Variants in PTPN2 observed in about 807,000 individuals in gnomAD.
PTPN2 encodes tyrosine-protein phosphatase non-receptor type 2.
Under a neutral mutation model 57.3 loss-of-function variants are expected in PTPN2, and 19 were observed. The observed-to-expected ratio is 0.33, with a 90% CI of 0.23 to 0.49. The LOEUF is 0.49. Among genes scored for constraint, PTPN2 ranks in the 20% least tolerant of loss-of-function variants. PTPN2 has a pLI of 0.99. For synonymous variants in PTPN2, 153 were observed against 164.9 expected (o/e 0.93, Z 0.55); for missense variants, 358 against 501.1 (o/e 0.71, Z 2.73).
At chr18:12,811,947 G>A (rs940723960) in intron 7 of PTPN2, among the ~76,000 whole-genome samples, 12 of 152,140 alleles carry the variant, frequency 7.9e-5, no homozygotes, top group African/African-American at 2.9e-4. Context: ...TCTCACTGAA[G>A]AAAGCTTTAA....
Position 12,884,145 on chromosome 18 carries a change from T to C in PTPN2, c.-4A>G. On this transcript the variant is annotated 5_prime_UTR_variant, in exon 1 of 9. Coordinates refer to ENST00000309660, the MANE Select transcript of PTPN2 (RefSeq NM_002828.4). ...CCCGCTCGATGGTGGTGGGCATGGCTGCGGGAGCGAGCTGGCGCGAGCAGA... is the reference window on the plus strand; with the variant it reads ...CCCGCTCGATGGTGGTGGGCATGGCCGCGGGAGCGAGCTGGCGCGAGCAGA... The C allele has an allele frequency of 6.3e-7, 1 of 1,580,320 alleles. No homozygotes were observed. The highest frequency in any genetic ancestry group is 8.6e-7 in the Non-Finnish European group (1 of 1,165,012).
intron 1 of PTPN2, among the ~76,000 whole-genome samples, chr18:12,864,402 C>CTT (rs1248951965): frequency 6.9e-6 from 1 of 144,232 alleles, no homozygotes; most frequent in Non-Finnish European, 1.5e-5. Context: ...ACCTACTTTC[C>CTT]TTTTTTTTTT....
intron 2 of PTPN2, among the ~76,000 whole-genome samples, chr18:12,844,594 T>C (rs1301862560): frequency 1.3e-5 from 2 of 152,190 alleles, no homozygotes; most frequent in African/African-American, 4.8e-5. Flanking sequence ...ATTTCCTAAC[T>C]GGGGTTTTTG....
At chr18:12,824,681 AGG>A (rs1356582844) in intron 5 of PTPN2, among the ~76,000 whole-genome samples, 1 of 152,202 alleles carries the variant, frequency 6.6e-6, no homozygotes, top group Non-Finnish European at 1.5e-5. Context: ...AAATGGCGAA[AGG>A]GGGAGAAATG....
At chr18:12,868,872 G>C (rs2044087955) in intron 1 of PTPN2, among the ~76,000 whole-genome samples, 1 of 151,994 alleles carries the variant, frequency 6.6e-6, no homozygotes, top group African/African-American at 2.4e-5. Flanking sequence ...TTTTAAGGCT[G>C]GGTGCGGTGG....
At chr18:12,883,875 T>C in intron 1 of PTPN2, 198 bp downstream of exon 1, 1 of 478,616 alleles carries the variant, frequency 2.1e-6, no homozygotes, top group Non-Finnish European at 3.7e-6. Flanking sequence ...GTATGCTTTT[T>C]TTTTTTTTTT....
At chr18:12,812,217 T>A (rs1251058264) in intron 7 of PTPN2, among the ~76,000 whole-genome samples, 1 of 152,232 alleles carries the variant, frequency 6.6e-6, no homozygotes, top group African/African-American at 2.4e-5. Context: ...ATAGCCTATA[T>A]GTCTATAGGA....
intron 7 of PTPN2, among the ~76,000 whole-genome samples, chr18:12,804,495 T>A (rs2041564558): frequency 7.0e-6 from 1 of 142,804 alleles, no homozygotes; most frequent in Non-Finnish European, 1.5e-5. Context: ...GCAAACAAAA[T>A]CAACAAACCT....
intron 2 of PTPN2, among the ~76,000 whole-genome samples, chr18:12,838,892 G>C (rs546647828): frequency 6.8e-6 from 1 of 147,970 alleles, no homozygotes; most frequent in East Asian, 2.0e-4. Context: ...ACATACAAAG[G>C]AAAAATGAAA....
chr18:12,876,475 A>G (rs369545917), intron 1 of PTPN2, among the ~76,000 whole-genome samples: 26 of 152,360 alleles, frequency 1.7e-4, no homozygotes, highest in African/African-American at 6.3e-4. Context: ...CAAGAAAAAA[A>G]GAAGATTCTG....
At chr18:12,843,311 A>C (rs2043107144) in intron 2 of PTPN2, among the ~76,000 whole-genome samples, 1 of 152,172 alleles carries the variant, frequency 6.6e-6, no homozygotes, top group South Asian at 2.1e-4. Flanking sequence ...TTTCACTGAC[A>C]AACCCTCCTT....
chr18:12,825,998 C>A, intron 4 of PTPN2, 54 bp from the exon 5 acceptor site: 2 of 1,417,254 alleles, frequency 1.4e-6, no homozygotes, highest in Non-Finnish European at 1.9e-6. Context: ...CATCATGAAA[C>A]CATAAAGTTA....
chr18:12,863,407 T>C (rs2043880616), intron 1 of PTPN2: 1 of 151,924 alleles, frequency 6.6e-6, no homozygotes, highest in Non-Finnish European at 1.5e-5. Flanking sequence ...TGCAGTGAGC[T>C]AGCATCCTGC....
rs1203945606 is a variant in PTPN2, at chr18:12,874,837, T to C, written c.69+9236A>G. ...ACAGCTCATTGAGAACAGGCCATGATGACAATGGTGGTTTTGTGGAATAGA... is the reference window on the plus strand; with the variant it reads ...ACAGCTCATTGAGAACAGGCCATGACGACAATGGTGGTTTTGTGGAATAGA... On this transcript the variant is annotated intron_variant, in intron 1 of 8. Coordinates refer to ENST00000309660, the MANE Select transcript of PTPN2 (RefSeq NM_002828.4). Among the ~76,000 whole-genome samples the C allele has an allele frequency of 3.3e-5, 5 of 152,182 alleles. No individual in the cohort carries two copies. In the South Asian group the frequency reaches 8.3e-4, roughly 25 times the overall value.
In PTPN2 at chr18:12,817,257, A is replaced by ATTC. The variant is rs752870326; in HGVS notation, c.601_603dup (p.Glu201dup). ...CCATGGTCAGGGTTCAAGGAGCCAG[A>ATTC]TTCTCTCACTTTAAACAAGAAATTG... On this transcript the variant is annotated inframe_insertion, in exon 6 of 9. Coordinates refer to ENST00000309660, the MANE Select transcript of PTPN2 (RefSeq NM_002828.4). 6.2e-7 allele frequency: 1 copy of ATTC among 1,614,096 alleles called. No homozygotes were observed. The highest frequency in any genetic ancestry group is 1.3e-5 in the African/African-American group (1 of 74,938).
At chr18:12,807,588 T>A (rs373477582) in intron 7 of PTPN2, among the ~76,000 whole-genome samples, 1,025 of 41,644 alleles carry the variant, frequency 0.025, 19 homozygotes, top group African/African-American at 0.032. Context: ...AAAAAAAAAA[T>A]ATATATATAT....
At position 12,859,243 on chromosome 18, in the gene PTPN2, A is replaced by C; in HGVS notation, c.81T>G (p.Asn27Lys). The C allele has an allele frequency of 6.2e-7, 1 of 1,609,154 alleles. No homozygotes were observed. Among genetic ancestry groups the C allele is most frequent in the Non-Finnish European group, 8.5e-7 (1 of 1,177,188 alleles). The change falls in exon 2 of 9, where the codon AAT (asparagine) becomes AAG (lysine). Residue 27 changes from asparagine to lysine, a missense_variant. By Grantham distance (94) the Asn-to-Lys change is moderately conservative. This residue lies in a region of PTPN2 where 62 missense variants were observed against 47.9 expected (regional missense o/e 1.29). Coordinates refer to ENST00000309660, the MANE Select transcript of PTPN2 (RefSeq NM_002828.4). The stretch of plus-strand genomic sequence containing the variant: ...CTCTATGAGGATAGTCATGGGACTC[A>C]TTTCGAATTTCCTTAAAATAACAAA... ...RWQPLYLEIR[N>K]ESHDYPHRVA... is the part of the protein sequence containing the mutation.
At chr18:12,857,060 CAA>C (rs57221505) in intron 2 of PTPN2, among the ~76,000 whole-genome samples, 4 of 101,014 alleles carry the variant, frequency 4.0e-5, no homozygotes, top group African/African-American at 8.5e-5. Flanking sequence ...GACACCATCT[CAA>C]AAAAAAAAAA....
At chr18:12,877,051 G>T (rs1391756082) in intron 1 of PTPN2, among the ~76,000 whole-genome samples, 2 of 152,186 alleles carry the variant, frequency 1.3e-5, no homozygotes, top group Non-Finnish European at 2.9e-5. Flanking sequence ...AGCAGATATT[G>T]TAACATCAGA....
Sources: gnomAD v4.1 joint callset for allele counts (sites outside exome capture counted in the v4.1 genomes callset) on GRCh38, gnomAD v4.1.1 for gene constraint, gnomAD v4.1.1 regional missense constraint, MANE v1.5 for transcripts, NCBI Gene and HGNC (gene_info 2026-07-23, HGNC 2026-07-21) for gene names.